The following PARVB variants were observed in gnomAD, a reference collection of about 807,000 sequenced individuals.
PARVB encodes the protein beta-parvin.
In PARVB, 46 loss-of-function variants were observed where a neutral mutation model predicts 47.0. The ratio of observed to expected loss-of-function variants is 0.98; its 90% confidence interval spans 0.77 to 1.25. The LOEUF is 1.25. Among genes scored for constraint, PARVB ranks in the 50% most tolerant of loss-of-function variants. The probability of loss-of-function intolerance (pLI) is 0.00; values close to 1 mark genes in which losing one functional copy is unlikely to be tolerated. For synonymous variants in PARVB, 196 were observed against 196.3 expected (o/e 1.00, Z 0.01); for missense variants, 473 against 471.6 (o/e 1.00, Z -0.03).
intron 8 of PARVB, chr22:44,146,544 G>T (rs1046551722): frequency 1.3e-5 from 2 of 152,310 alleles, no homozygotes; most frequent in East Asian, 1.9e-4. Flanking sequence ...TGGGCAGGGG[G>T]GTGTGAGCTG....
At chr22:44,039,987 CT>C (rs2146913975) in intron 1 of PARVB, 2 of 365,632 alleles carry the variant, frequency 5.5e-6, no homozygotes, top group South Asian at 4.0e-5. Flanking sequence ...GCTAATTTCA[CT>C]TTTACAATGT....
At chr22:44,131,313 T>A (rs2053312177) in intron 4 of PARVB, among the ~76,000 whole-genome samples, 174 bp from the exon 5 acceptor site, 1 of 151,820 alleles carries the variant, frequency 6.6e-6, no homozygotes, top group South Asian at 2.1e-4. Context: ...GGCTAATTTT[T>A]ATATTTTTAG....
upstream of PARVB, among the ~76,000 whole-genome samples, chr22:44,022,879 A>T (rs931997555): frequency 4.6e-5 from 7 of 151,746 alleles, no homozygotes; most frequent in Non-Finnish European, 8.8e-5. Context: ...CCCAAGTAGC[A>T]GGGATTACAG....
intron 1 of PARVB, among the ~76,000 whole-genome samples, chr22:44,030,274 A>C (rs1435326127): frequency 6.6e-6 from 1 of 152,300 alleles, no homozygotes; most frequent in Middle Eastern, 3.4e-3. Flanking sequence ...GGGGGGACTG[A>C]GCCATGGGGG....
chr22:44,165,772 G>A (rs1017304174), intron 12 of PARVB, among the ~76,000 whole-genome samples: 33 of 152,226 alleles, frequency 2.2e-4, no homozygotes, highest in African/African-American at 7.5e-4. Flanking sequence ...GTGCCACCAC[G>A]TGCTGCTGAG....
chr22:44,072,194 C>G (rs568820582), intron 1 of PARVB, among the ~76,000 whole-genome samples: 1 of 152,182 alleles, frequency 6.6e-6, no homozygotes, highest in Admixed American at 6.5e-5. Flanking sequence ...ATCTGTAGAA[C>G]CCTCCCTACC....
chr22:44,141,789 C>T (rs2053556631), intron 8 of PARVB: 1 of 152,282 alleles, frequency 6.6e-6, no homozygotes, highest in Admixed American at 6.5e-5. Context: ...CACAGGCCTT[C>T]TCTGTTTTTT....
intron 7 of PARVB, 149 bp downstream of exon 7, chr22:44,136,667 C>A: frequency 1.5e-6 from 1 of 676,622 alleles, no homozygotes; most frequent in Non-Finnish European, 2.7e-6. Flanking sequence ...CATGCTGGTT[C>A]CCACCCCAGC....
upstream of PARVB, among the ~76,000 whole-genome samples, chr22:44,019,809 C>T (rs572791111): frequency 2.1e-3 from 319 of 152,266 alleles, 1 homozygote; most frequent in Middle Eastern, 0.01. Flanking sequence ...CCATCAGGCC[C>T]GACTCCCAAC....
intron 8 of PARVB, 66 bp from the exon 9 acceptor site, chr22:44,147,795 C>G (rs1236910666): frequency 5.8e-6 from 8 of 1,377,740 alleles, no homozygotes; most frequent in South Asian, 3.5e-5. Context: ...TGGCAGGGCC[C>G]TGGATTAGGG....
rs1461159971 is a variant in PARVB, at chr22:44,024,333, G to C, written c.-7G>C. On this transcript the variant is annotated 5_prime_UTR_variant, in exon 1 of 13. Coordinates refer to ENST00000338758, the MANE Select transcript of PARVB (RefSeq NM_013327.5). The stretch of plus-strand genomic sequence containing the variant: ...GCTGCGCCCGCCGCCGGCCCCACGC[G>C]CGGCCCATGTCCTCCGCGCCGCGCT... The C allele has an allele frequency of 1.9e-6, 2 of 1,047,716 alleles. No individual in the cohort carries two copies. Among genetic ancestry groups the C allele is most frequent in the South Asian group, 4.4e-5 (1 of 22,608 alleles). The allele number at this position is 1,047,716 out of a possible 1,614,324, so 64.9% of individuals were successfully genotyped here.
intron 1 of PARVB, among the ~76,000 whole-genome samples, chr22:44,058,804 C>G (rs990911812): frequency 8.5e-5 from 13 of 152,090 alleles, no homozygotes; most frequent in Admixed American, 2.0e-4. Flanking sequence ...ATCCACCTGC[C>G]TCAGCCTCCC....
Position 44,049,182 on chromosome 22 carries a change from G to A in PARVB, c.112+24731G>A, listed in dbSNP as rs374593858. ...GAGGAAACTGAGGCCCTGAGAGAGG[G>A]TGAGAAACCAGGTCTCTGGCTGAAT... On this transcript the variant is annotated intron_variant, in intron 1 of 12. Transcript: ENST00000338758. The surrounding 1 kb of genome is among the most constrained non-coding windows in gnomAD (Gnocchi z 4.0). 1.1e-4 allele frequency among the ~76,000 whole-genome samples: 16 copies of A among 152,334 alleles called. No homozygotes were observed. In the East Asian group the frequency reaches 1.4e-3, roughly 13 times the overall value.
intron 2 of PARVB, among the ~76,000 whole-genome samples, chr22:44,011,134 A>G (rs899640370): frequency 1.3e-5 from 2 of 151,840 alleles, no homozygotes; most frequent in African/African-American, 4.8e-5. Flanking sequence ...ATGCCTGACT[A>G]ATTTTTTAAA....
chr22:44,131,503 C>T lies in PARVB; in HGVS notation c.393C>T (p.Cys131=). The change falls in exon 5 of 13, where the codon TGC becomes TGT. Residue 131 remains cysteine (C), a synonymous_variant. Coordinates refer to ENST00000338758, the MANE Select transcript of PARVB (RefSeq NM_013327.5). ...LQKLLEKLAG[C]KLNVAEVTQS... ...TCATTGCAGAAAAACTGGCAGGGTG[C>T]AAGCTGAATGTGGCTGAGGTGACAC... The T allele has an allele frequency of 6.2e-7, 1 of 1,613,864 alleles. No homozygotes were observed. The highest frequency in any genetic ancestry group is 8.5e-7 in the Non-Finnish European group (1 of 1,179,936).
At chr22:44,101,688 C>T (rs959702672) in intron 3 of PARVB, among the ~76,000 whole-genome samples, 8 of 150,410 alleles carry the variant, frequency 5.3e-5, no homozygotes, top group African/African-American at 7.4e-5. Context: ...GCAGATGTTG[C>T]GTTGAGCCGA....
intron 1 of PARVB, among the ~76,000 whole-genome samples, chr22:44,093,035 A>G (rs2052209848): frequency 6.6e-6 from 1 of 152,350 alleles, no homozygotes; most frequent in South Asian, 2.1e-4. Context: ...AGTGCCATGA[A>G]AGTGGCCAGG....
In PARVB at chr22:44,068,620, C is replaced by T. The variant is rs1024072035; in HGVS notation, c.113-25308C>T. Among the ~76,000 whole-genome samples, 3 of 152,212 alleles carry T rather than the reference C, an allele frequency of 2.0e-5. No individual in the cohort carries two copies. Among genetic ancestry groups the T allele is most frequent in the South Asian group, 2.1e-4 (1 of 4,826 alleles). Reference sequence around the variant, plus strand: ...ATGTGTTAGCATTTGGTCCTCCTGACGTAGTCGGCACACGGGAGATGCAGC... The same window carrying T: ...ATGTGTTAGCATTTGGTCCTCCTGATGTAGTCGGCACACGGGAGATGCAGC... On this transcript the variant is annotated intron_variant, in intron 1 of 12. Coordinates refer to ENST00000338758, the MANE Select transcript of PARVB (RefSeq NM_013327.5). This position sits in a 1 kb window ranked among gnomAD's most constrained non-coding sequence, Gnocchi z 4.1.
Position 44,147,427 on chromosome 22 carries a change from T to G in PARVB, c.713-434T>G, listed in dbSNP as rs944598103. On this transcript the variant is annotated intron_variant, in intron 8 of 12. Coordinates refer to ENST00000338758, the MANE Select transcript of PARVB (RefSeq NM_013327.5). ...GCAGCTGCTCCCAGGCGAGGGGCAG[T>G]GAGGCGTGAGCAGGACATGGCCACC... 2.3e-5 allele frequency: 8 copies of G among 340,938 alleles called. No homozygotes were observed. In the Admixed American group the frequency reaches 3.0e-4, roughly 13 times the overall value. 21.1% of individuals were successfully genotyped at this position (340,938 alleles called of 1,614,324 possible).
Sources: allele counts gnomAD v4.1 joint callset (sites outside exome capture counted in the v4.1 genomes callset), GRCh38; gene constraint gnomAD v4.1.1; non-coding constraint Gnocchi (gnomAD v3.1); transcripts MANE v1.5; gene names NCBI Gene and HGNC (gene_info 2026-07-23, HGNC 2026-07-21).